The following FSTL5 variants were observed in gnomAD, a reference collection of about 807,000 sequenced individuals.
The protein encoded by FSTL5 is follistatin-related protein 5.
In FSTL5, 62 loss-of-function variants were observed where a neutral mutation model predicts 89.1. The observed-to-expected ratio is 0.70, with a 90% CI of 0.57 to 0.86. The LOEUF (loss-of-function observed/expected upper bound fraction) is 0.86, where lower values mean the gene tolerates loss of function less well. Ranked by LOEUF, FSTL5 falls within the 40% of genes least tolerant of loss-of-function variation. FSTL5 has a pLI of 0.00. For missense variants in FSTL5, 1,057 were observed against 1,001.6 expected (o/e 1.06, Z -0.75); for synonymous variants, 383 against 346.2 (o/e 1.11, Z -1.18).
intron 3 of FSTL5, among the ~76,000 whole-genome samples, chr4:161,947,319 T>C (rs1436064500): frequency 1.6e-5 from 2 of 126,298 alleles, no homozygotes; most frequent in African/African-American, 2.9e-5. Flanking sequence ...TCTCTGCCTA[T>C]TTCAAAATTG....
Position 161,386,505 on chromosome 4 carries a change from GA to G in FSTL5, c.1842-57del, listed in dbSNP as rs554050658. 44 of 1,255,504 alleles carry G rather than the reference GA, an allele frequency of 3.5e-5. 2 individuals are homozygous for G. Among genetic ancestry groups the G allele is most frequent in the South Asian group, 1.0e-4 (7 of 67,540 alleles). 77.8% of individuals were successfully genotyped at this position (1,255,504 alleles called of 1,614,324 possible). A position where few individuals can be genotyped will look rare whatever the true frequency, so the allele number is the denominator to read the frequency against. On this transcript the variant is annotated intron_variant, in intron 15 of 15. Coordinates refer to ENST00000306100, the MANE Select transcript of FSTL5 (RefSeq NM_020116.5). Reference sequence around the variant, plus strand: ...GAAGCAATGGAGTTTTTAGCCGTAAGAAAAAAACTAGATACAGGTGGAAAGG... The same window carrying G: ...GAAGCAATGGAGTTTTTAGCCGTAAGAAAAAACTAGATACAGGTGGAAAGG...
chr4:161,762,145 TTTTG>T (rs759967837), intron 5 of FSTL5, among the ~76,000 whole-genome samples: 8 of 152,044 alleles, frequency 5.3e-5, no homozygotes, highest in Non-Finnish European at 1.0e-4. Flanking sequence ...TACCCAGAAT[TTTTG>T]TTTGTTTGTT....
intron 1 of FSTL5, among the ~76,000 whole-genome samples, chr4:162,154,398 A>C (rs958396720): frequency 1.2e-4 from 18 of 152,166 alleles, no homozygotes; most frequent in African/African-American, 4.3e-4. Context: ...CAAATGTTGA[A>C]GTTTTTCTTT....
intron 7 of FSTL5, among the ~76,000 whole-genome samples, chr4:161,606,240 A>ATTTTTTT (rs71598720): frequency 3.4e-5 from 4 of 117,862 alleles, no homozygotes; most frequent in Non-Finnish European, 6.8e-5. Context: ...ATTATCTGTG[A>ATTTTTTT]TTTTTTTTTT....
intron 2 of FSTL5, among the ~76,000 whole-genome samples, chr4:162,108,490 G>A (rs893526882): frequency 6.6e-6 from 1 of 151,762 alleles, no homozygotes; most frequent in Admixed American, 6.6e-5. Context: ...TATCAGACCT[G>A]AAGATCTATT....
intron 4 of FSTL5, among the ~76,000 whole-genome samples, chr4:161,832,859 G>GT (rs1462653704): frequency 6.7e-6 from 1 of 149,750 alleles, no homozygotes; most frequent in Non-Finnish European, 1.5e-5. Flanking sequence ...TTTTTGAAGG[G>GT]TTTTTTGTGT....
chr4:161,657,836 C>A (rs912558666), intron 6 of FSTL5, among the ~76,000 whole-genome samples: 4 of 152,172 alleles, frequency 2.6e-5, no homozygotes, highest in Admixed American at 2.6e-4. Context: ...TCACCACTGG[C>A]TGACACCTCA....
At chr4:161,715,748 C>T (rs963431734) in intron 6 of FSTL5, among the ~76,000 whole-genome samples, 8 of 152,182 alleles carry the variant, frequency 5.3e-5, no homozygotes, top group Non-Finnish European at 1.2e-4. Flanking sequence ...CTGTGATGTA[C>T]AGAAGCTATG....
intron 1 of FSTL5, among the ~76,000 whole-genome samples, chr4:162,119,047 C>A (rs1731756597): frequency 6.6e-6 from 1 of 152,016 alleles, no homozygotes; most frequent in Non-Finnish European, 1.5e-5. Context: ...TATAGCAAGA[C>A]CCCCTCTCTA....
intron 4 of FSTL5, among the ~76,000 whole-genome samples, chr4:161,794,378 C>G (rs1729567777): frequency 6.6e-6 from 1 of 152,152 alleles, no homozygotes; most frequent in Admixed American, 6.5e-5. Context: ...CCACAATTTC[C>G]TAGTTGCTTC....
At chr4:162,134,356 C>T (rs1732445738) in intron 1 of FSTL5, among the ~76,000 whole-genome samples, 1 of 152,064 alleles carries the variant, frequency 6.6e-6, no homozygotes. Context: ...TATGTGATTT[C>T]ACTGCCCCTG....
chr4:161,518,202 C>T (rs1730907802), intron 10 of FSTL5, among the ~76,000 whole-genome samples: 1 of 152,150 alleles, frequency 6.6e-6, no homozygotes, highest in Admixed American at 6.5e-5. Context: ...GGCTGCAGTG[C>T]CCAGCTTACA....
intron 3 of FSTL5, among the ~76,000 whole-genome samples, chr4:162,019,549 T>C (rs1333283986): frequency 1.3e-5 from 2 of 152,110 alleles, no homozygotes; most frequent in East Asian, 1.9e-4. Context: ...ATATAATTTA[T>C]GGTGGATTGT....
chr4:161,788,924 AC>A (rs1421157563), intron 4 of FSTL5, among the ~76,000 whole-genome samples: 1 of 152,104 alleles, frequency 6.6e-6, no homozygotes, highest in Non-Finnish European at 1.5e-5. Context: ...AAAAACAAAA[AC>A]AAAACAATGC....
chr4:162,162,811 C>A (rs1197972931), intron 1 of FSTL5, among the ~76,000 whole-genome samples: 1 of 152,178 alleles, frequency 6.6e-6, no homozygotes, highest in Non-Finnish European at 1.5e-5. Flanking sequence ...TCAGCCCACA[C>A]TTCCCAGTTC....
intron 3 of FSTL5, among the ~76,000 whole-genome samples, chr4:161,992,451 G>A (rs1455554904): frequency 2.0e-5 from 3 of 152,088 alleles, no homozygotes; most frequent in South Asian, 2.1e-4. Flanking sequence ...AGAATTAACT[G>A]AGCACAGAGA....
chr4:161,776,954 C>T (rs1741432974), intron 4 of FSTL5, among the ~76,000 whole-genome samples: 1 of 151,774 alleles, frequency 6.6e-6, no homozygotes. Context: ...TCTTACCAAA[C>T]ATTAGATCTT....
At chr4:161,768,082 A>C (rs114405994) in intron 5 of FSTL5, among the ~76,000 whole-genome samples, 1 of 152,226 alleles carries the variant, frequency 6.6e-6, no homozygotes, top group African/African-American at 2.4e-5. Flanking sequence ...GAGAGGGCTA[A>C]AAGTGGGTGT....
At chr4:161,648,895 T>C (rs984209493) in intron 7 of FSTL5, among the ~76,000 whole-genome samples, 1 of 152,292 alleles carries the variant, frequency 6.6e-6, no homozygotes, top group Middle Eastern at 3.4e-3. Flanking sequence ...AATGTGTACA[T>C]AACAGTACAT....
Sources: allele counts gnomAD v4.1 joint callset (sites outside exome capture counted in the v4.1 genomes callset), GRCh38; gene constraint gnomAD v4.1.1; transcripts MANE v1.5; gene names NCBI Gene and HGNC (gene_info 2026-07-23, HGNC 2026-07-21).